The following RBFOX1 variants were observed in gnomAD, a reference collection of about 807,000 sequenced individuals.
RBFOX1 encodes RNA binding protein fox-1 homolog 1.
RBFOX1 carries 8 observed loss-of-function variants against 57.7 expected under a neutral mutation model. That is an observed-to-expected ratio of 0.14 (90% CI 0.08 to 0.25). The LOEUF (loss-of-function observed/expected upper bound fraction) is 0.25. Among genes scored for constraint, RBFOX1 ranks in the 10% least tolerant of loss-of-function variants. The probability of loss-of-function intolerance (pLI) is 1.00; values close to 1 mark genes in which losing one functional copy is unlikely to be tolerated. For missense variants in RBFOX1, 611 were observed against 548.5 expected, an observed-to-expected ratio of 1.11 and a Z score of -1.14; for synonymous variants, 326 against 222.4, an observed-to-expected ratio of 1.47 and a Z score of -4.15.
At chr16:5,592,658 C>G (rs1409754300) in intron 2 of RBFOX1, among the ~76,000 whole-genome samples, 6 of 152,148 alleles carry the variant, frequency 3.9e-5, no homozygotes, top group Non-Finnish European at 8.8e-5. Context: ...ATGTTAAGTC[C>G]TCTGTTTGGA....
Position 5,946,106 on chromosome 16 carries a change from G to A in RBFOX1, c.351+78771G>A, listed in dbSNP as rs960835737. On this transcript the variant is annotated intron_variant, in intron 4 of 19. Transcript: ENST00000641259. The surrounding 1 kb of genome is among the most constrained non-coding windows in gnomAD (Gnocchi z 4.6). ...GTGGACTGACTTACCCGCTATTCTTGTCTTTTTAAAAAAGATTTTGTTAAT... is the reference window on the plus strand; with the variant it reads ...GTGGACTGACTTACCCGCTATTCTTATCTTTTTAAAAAAGATTTTGTTAAT... 2.0e-5 allele frequency among the ~76,000 whole-genome samples: 3 copies of A among 152,156 alleles called. No individual in the cohort carries two copies. The highest frequency in any genetic ancestry group is 4.4e-5 in the Non-Finnish European group (3 of 68,026).
chr16:5,680,207 C>T (rs1356253261), intron 3 of RBFOX1, among the ~76,000 whole-genome samples: 2 of 152,232 alleles, frequency 1.3e-5, no homozygotes, highest in East Asian at 3.9e-4. Context: ...TGCAGGACAC[C>T]ATGAAACCTT....
intron 3 of RBFOX1, among the ~76,000 whole-genome samples, chr16:7,042,486 A>G (rs2046502155): frequency 6.6e-6 from 1 of 152,236 alleles, no homozygotes; most frequent in Non-Finnish European, 1.5e-5. Flanking sequence ...CTAAAATCAA[A>G]TCAGCTAATG....
intron 2 of RBFOX1, among the ~76,000 whole-genome samples, chr16:6,394,328 G>A (rs1204353682): frequency 6.6e-6 from 1 of 152,208 alleles, no homozygotes; most frequent in Non-Finnish European, 1.5e-5. Context: ...ATCCACAGAT[G>A]AAAGGCTTTA....
At chr16:7,212,453 T>C (rs2091321417) in intron 4 of RBFOX1, among the ~76,000 whole-genome samples, 1 of 152,180 alleles carries the variant, frequency 6.6e-6, no homozygotes, top group Admixed American at 6.5e-5. Flanking sequence ...CTTGTATCCA[T>C]GCAGATGCTG....
intron 4 of RBFOX1, among the ~76,000 whole-genome samples, chr16:7,103,596 T>C (rs932731200): frequency 6.6e-6 from 1 of 152,184 alleles, no homozygotes; most frequent in Admixed American, 6.5e-5. Flanking sequence ...CTAAAAGTGA[T>C]TAGTTTGAAT....
chr16:6,566,089 T>A (rs1200321325), intron 2 of RBFOX1, among the ~76,000 whole-genome samples: 1 of 152,204 alleles, frequency 6.6e-6, no homozygotes, highest in Non-Finnish European at 1.5e-5. Context: ...TTCAAGGTGT[T>A]ATCCCAAAGT....
intron 4 of RBFOX1, among the ~76,000 whole-genome samples, chr16:7,270,152 C>T (rs2095282755): frequency 6.6e-6 from 1 of 152,210 alleles, no homozygotes; most frequent in Non-Finnish European, 1.5e-5. Context: ...CCAGTGTAGG[C>T]AATGGGAACC....
intron 4 of RBFOX1, among the ~76,000 whole-genome samples, chr16:7,443,121 C>T (rs1429129478): frequency 1.3e-5 from 2 of 152,172 alleles, no homozygotes; most frequent in African/African-American, 4.8e-5. Flanking sequence ...ATGTGATTTT[C>T]GATTCCTATG....
At chr16:7,525,620 G>T (rs930072211) in intron 5 of RBFOX1, among the ~76,000 whole-genome samples, 2 of 152,166 alleles carry the variant, frequency 1.3e-5, no homozygotes, top group Non-Finnish European at 2.9e-5. Flanking sequence ...TGCGGACTCT[G>T]TGTGTTTGGG....
chr16:6,039,094 G>T (rs1317843942), intron 1 of RBFOX1: 1 of 150,340 alleles, frequency 6.7e-6, no homozygotes, highest in African/African-American at 2.4e-5. Flanking sequence ...ACCAAACTGT[G>T]TGCATAGCGG....
chr16:6,709,537 C>G (rs1194252551), intron 3 of RBFOX1, among the ~76,000 whole-genome samples: 1 of 152,194 alleles, frequency 6.6e-6, no homozygotes, highest in African/African-American at 2.4e-5. Context: ...CTTCTTTCTA[C>G]TTTTACATTT....
chr16:5,481,103 G>A (rs1460820620), intron 2 of RBFOX1, among the ~76,000 whole-genome samples: 1 of 152,214 alleles, frequency 6.6e-6, no homozygotes, highest in African/African-American at 2.4e-5. Flanking sequence ...AAGTGAAGGA[G>A]TTAGTTTGTT....
At chr16:7,208,638 G>T (rs539319129) in intron 4 of RBFOX1, among the ~76,000 whole-genome samples, 135 of 152,208 alleles carry the variant, frequency 8.9e-4, no homozygotes, top group African/African-American at 3.2e-3. Flanking sequence ...GAGTTTCAGA[G>T]CAACCTGGGC....
intron 4 of RBFOX1, among the ~76,000 whole-genome samples, chr16:7,491,747 C>T (rs2067047130): frequency 6.6e-6 from 1 of 152,180 alleles, no homozygotes; most frequent in Admixed American, 6.5e-5. Context: ...CCTCCTGCTT[C>T]AGCCCCCTGA....
chr16:5,807,621 A>C (rs1456032703), intron 3 of RBFOX1, among the ~76,000 whole-genome samples: 2 of 152,140 alleles, frequency 1.3e-5, no homozygotes, highest in Non-Finnish European at 2.9e-5. Flanking sequence ...GAATGTAGTC[A>C]GGGAGGGGGC....
chr16:7,182,595 C>A (rs570364017), intron 4 of RBFOX1, among the ~76,000 whole-genome samples: 1 of 152,278 alleles, frequency 6.6e-6, no homozygotes, highest in East Asian at 1.9e-4. Flanking sequence ...AGTTTAGACT[C>A]AGTTAAGCAA....
intron 4 of RBFOX1, among the ~76,000 whole-genome samples, chr16:7,100,265 C>T (rs1168473705): frequency 6.6e-6 from 1 of 152,016 alleles, no homozygotes; most frequent in Non-Finnish European, 1.5e-5. Flanking sequence ...ATAAAATGCT[C>T]ATGAAAATTT....
rs139436844 is a variant in RBFOX1 at position 7,170,089 on chromosome 16, A to G, written c.27+117991A>G. ...ACCCTGTCTCAAAATAAATAAATAA[A>G]TAAATAAGTATTTGGTGTATGCATG... On this transcript the variant is annotated intron_variant, in intron 4 of 15. Transcript: ENST00000550418. Among the ~76,000 whole-genome samples, 63 of 152,264 alleles carry G rather than the reference A, an allele frequency of 4.1e-4. No homozygotes were observed. The East Asian group carries it at 0.012, about 28-fold the overall frequency.
Sources: gnomAD v4.1 joint callset for allele counts (sites outside exome capture counted in the v4.1 genomes callset) on GRCh38, gnomAD v4.1.1 for gene constraint, Gnocchi (gnomAD v3.1) non-coding constraint, MANE v1.5 for transcripts, NCBI Gene and HGNC (gene_info 2026-07-23, HGNC 2026-07-21) for gene names.